Variants in OPTN observed in about 807,000 individuals in gnomAD.
The protein encoded by OPTN is optineurin.
OPTN carries 54 observed loss-of-function variants against 70.4 expected under a neutral mutation model. The ratio of observed to expected loss-of-function variants is 0.77; its 90% CI spans 0.62 to 0.96. The LOEUF is 0.96. Ranked by LOEUF, OPTN falls within the 40% of genes least tolerant of loss-of-function variation. The pLI is 0.00. For synonymous variants in OPTN, 256 were observed against 248.5 expected (o/e 1.03, Z -0.28); for missense variants, 624 against 673.2 (o/e 0.93, Z 0.81).
rs71386156 is a variant in OPTN at position 13,108,910 on chromosome 10, G to GCACACA, written c.-11-192_-11-187dup. The GCACACA allele has an allele frequency of 0.018, 10,534 of 588,650 alleles. 387 individuals are homozygous for GCACACA. Among genetic ancestry groups the GCACACA allele is most frequent in the African/African-American group, 0.12 (6,556 of 54,338 alleles). 36.5% of individuals were successfully genotyped at this position (588,650 alleles called of 1,614,324 possible). A position where few individuals can be genotyped will look rare whatever the true frequency, so the allele number is the denominator to read the frequency against. ...CACACACACATGCACACATGCGCGT[G>GCACACA]CACACACACACACACTTTTCTGAAG... is the stretch of plus-strand genomic sequence containing the variant. On this transcript the variant is annotated intron_variant, in intron 2 of 14. Coordinates refer to ENST00000378747, the MANE Select transcript of OPTN (RefSeq NM_001008212.2).
chr10:13,134,520 C>T lies in OPTN; in HGVS notation c.1612+939C>T, dbSNP rs1317198072. Among the ~76,000 whole-genome samples, 17 of 152,190 alleles carry T rather than the reference C, an allele frequency of 1.1e-4. 1 individual carries two copies. ...TGATCGTGGATCACTGCAACCTCCG[C>T]CTCCCGGGTTCAAGCGATTCTCCTG... On this transcript the variant is annotated intron_variant, in intron 14 of 14. Transcript: ENST00000378747.
intron 4 of OPTN, among the ~76,000 whole-genome samples, chr10:13,112,152 C>CTT (rs1165425749): frequency 9.0e-5 from 11 of 122,808 alleles, no homozygotes; most frequent in South Asian, 2.6e-4. Flanking sequence ...CCTGGCTTGG[C>CTT]TTTTTTTTTT....
rs1399686007 is a variant in OPTN, at chr10:13,114,762, A to ATAAT, written c.553-1503_553-1502insATTA. Among the ~76,000 whole-genome samples the ATAAT allele has an allele frequency of 2.6e-4, 22 of 83,752 alleles. 1 individual carries two copies. The highest frequency in any genetic ancestry group is 1.1e-3 in the African/African-American group (20 of 18,336). The allele number at this position is 83,752 out of a possible 152,430, so 54.9% of individuals were successfully genotyped here. On this transcript the variant is annotated intron_variant, in intron 5 of 14. Transcript: ENST00000378747. ...ATATATTCTACAATTATATAATTGCATATATAATTATATAATTATATAATT... is the reference window on the plus strand; with the variant it reads ...ATATATTCTACAATTATATAATTGCATAATTATATAATTATATAATTATATAATT...
rs758437690 is a variant in OPTN, at chr10:13,109,073, G to A, written c.-11-39G>A. 11 of 1,598,296 alleles carry A rather than the reference G, an allele frequency of 6.9e-6. No homozygotes were observed. The South Asian group carries it at 8.8e-5, about 13-fold the overall frequency. Reference sequence around the variant, plus strand: ...GACTCCCGGGGACCCCTTGTGGGGCGGGGGACAGCTCTATTTTCAACAGGT... The same window carrying A: ...GACTCCCGGGGACCCCTTGTGGGGCAGGGGACAGCTCTATTTTCAACAGGT... On this transcript the variant is annotated intron_variant, in intron 2 of 14. Transcript: ENST00000378747.
At chr10:13,136,664 A>C in intron 14 of OPTN, 81 bp from the exon 15 acceptor site, 5 of 1,566,988 alleles carry the variant, frequency 3.2e-6, no homozygotes, top group Non-Finnish European at 4.4e-6. Flanking sequence ...CTGATGTTAA[A>C]ACTCGCCATC....
rs1281791906 is a variant in OPTN, at chr10:13,112,522, G to A, written c.439G>A (p.Val147Met). 1 of 1,613,978 alleles carries A rather than the reference G, an allele frequency of 6.2e-7. No homozygotes were observed. Among genetic ancestry groups the A allele is most frequent in the Non-Finnish European group, 8.5e-7 (1 of 1,180,030 alleles). The change falls in exon 5 of 15, where the codon GTG becomes ATG. Residue 147 changes from valine (V) to methionine (M), a missense_variant. Transcript: ENST00000378747. ...EQEKDQLRTQ[V>M]VRLQAEKADL... is the part of the protein sequence containing the mutation. ...GGAAAAGGACCAGCTCAGGACCCAG[G>A]TGGTGAGGCTACAAGCAGAGAAGGC...
intron 6 of OPTN, 83 bp downstream of exon 6, chr10:13,116,423 TG>T: frequency 2.2e-6 from 2 of 912,110 alleles, no homozygotes; most frequent in Non-Finnish European, 3.7e-6. Flanking sequence ...GGTCAAATGT[TG>T]TGACCTGAGG....
intron 2 of OPTN, among the ~76,000 whole-genome samples, chr10:13,108,692 G>A (rs1226591272): frequency 2.0e-5 from 3 of 151,994 alleles, no homozygotes; most frequent in African/African-American, 4.8e-5. Flanking sequence ...GACTACAAGC[G>A]CCCAACACCA....
chr10:13,125,282 T>TTA (rs1833433839), intron 9 of OPTN, 136 bp from the exon 10 acceptor site: 1 of 887,926 alleles, frequency 1.1e-6, no homozygotes. Context: ...GCAAGGAGGA[T>TTA]TATGTATTTC....
intron 14 of OPTN, among the ~76,000 whole-genome samples, chr10:13,136,337 A>C (rs1332372227): frequency 1.3e-5 from 2 of 151,852 alleles, no homozygotes; most frequent in East Asian, 3.9e-4. Flanking sequence ...GCAAAACCAC[A>C]TCTCTACTAA....
At chr10:13,122,199 C>G (rs928424846) in intron 7 of OPTN, among the ~76,000 whole-genome samples, 186 bp from the exon 8 acceptor site, 2 of 152,156 alleles carry the variant, frequency 1.3e-5, no homozygotes, top group Non-Finnish European at 2.9e-5. Context: ...GTCTGTGAAT[C>G]AATTCTAGCC....
At chr10:13,109,055 G>A (rs993966603) in intron 2 of OPTN, 57 bp from the exon 3 acceptor site, 63 of 1,535,778 alleles carry the variant, frequency 4.1e-5, no homozygotes, top group Admixed American at 5.0e-5. Flanking sequence ...TGGGACTCCC[G>A]GGGACCCCTT....
In OPTN at chr10:13,133,794, C is replaced by T. The variant is rs1297682957; in HGVS notation, c.1612+213C>T. Among the ~76,000 whole-genome samples the T allele has an allele frequency of 4.6e-5, 7 of 152,058 alleles. No homozygotes were observed. The East Asian group carries it at 5.8e-4, about 13-fold the overall frequency. On this transcript the variant is annotated intron_variant, in intron 14 of 14. Transcript: ENST00000378747. ...TCACCCTGCCAGAAGGTGCCTGGCA[C>T]GGCCACACTTTTTCTTTTTTTTCTT...
intron 4 of OPTN, among the ~76,000 whole-genome samples, chr10:13,111,495 C>A (rs185948264): frequency 6.6e-6 from 1 of 151,776 alleles, no homozygotes; most frequent in Non-Finnish European, 1.5e-5. Context: ...GTGAGGAGTT[C>A]GAGACCAGCC....
intron 1 of OPTN, among the ~76,000 whole-genome samples, chr10:13,104,383 C>A (rs1038768646): frequency 6.7e-6 from 1 of 150,186 alleles, no homozygotes; most frequent in Non-Finnish European, 1.5e-5. Context: ...CCTCAGCTCC[C>A]GAGTAGCTGG....
chr10:13,111,541 T>C (rs1832997591), intron 4 of OPTN, among the ~76,000 whole-genome samples: 1 of 149,552 alleles, frequency 6.7e-6, no homozygotes, highest in African/African-American at 2.5e-5. Context: ...CTACTAAAAA[T>C]ACAAAAATTA....
intron 1 of OPTN, chr10:13,104,424 ACTT>A: frequency 7.3e-6 from 1 of 136,268 alleles, no homozygotes; most frequent in Non-Finnish European, 1.3e-5. Flanking sequence ...ACACCCAGCT[ACTT>A]TTTTTTTTTT....
Position 13,132,049 on chromosome 10 carries a change from C to CT in OPTN, c.1402-11dup, listed in dbSNP as rs753381280. Reference sequence around the variant, plus strand: ...TTCATCTAGGTACTAACTTCTGTATCTTTTTTTCCTCTAACAGATGGAAGT... The same window carrying CT: ...TTCATCTAGGTACTAACTTCTGTATCTTTTTTTTCCTCTAACAGATGGAAGT... On this transcript the variant is annotated splice_polypyrimidine_tract_variant and intron_variant, in intron 12 of 14. Coordinates refer to ENST00000378747, the MANE Select transcript of OPTN (RefSeq NM_001008212.2). 3 of 1,609,866 alleles carry CT rather than the reference C, an allele frequency of 1.9e-6. No individual in the cohort carries two copies. The highest frequency in any genetic ancestry group is 1.7e-5 in the Admixed American group (1 of 59,936).
At position 13,119,003 on chromosome 10, in the gene OPTN, G is replaced by C; in HGVS notation, c.742G>C (p.Glu248Gln). ...LCLREGNQKV[E>Q]RLEVALKEAK... ...CCTAAGGGAAGGGAATCAGAAGGTG[G>C]AGAGACTTGAAGTTGCACTCAAGGA... Residue 248 changes from glutamate to glutamine, a missense_variant, in exon 7 of 15, where the codon GAG becomes CAG. Glu to Gln is a conservative substitution (Grantham distance 29, BLOSUM62 2). Transcript: ENST00000378747. The C allele has an allele frequency of 1.2e-6, 2 of 1,614,156 alleles. No individual in the cohort carries two copies. Among genetic ancestry groups the C allele is most frequent in the African/African-American group, 1.3e-5 (1 of 75,044 alleles).
Sources: allele counts gnomAD v4.1 joint callset (sites outside exome capture counted in the v4.1 genomes callset), GRCh38; gene constraint gnomAD v4.1.1; transcripts MANE v1.5; gene names NCBI Gene and HGNC (gene_info 2026-07-23, HGNC 2026-07-21).